CNTNAP2: variants seen among roughly 807,000 people sequenced by gnomAD.
CNTNAP2 encodes the protein contactin associated protein 2.
A neutral mutation model predicts 155.2 loss-of-function variants in CNTNAP2; 98 were observed. The ratio of observed to expected loss-of-function variants is 0.63; its 90% CI spans 0.54 to 0.75. The LOEUF (loss-of-function observed/expected upper bound fraction) is 0.75, where lower values mean the gene tolerates loss of function less well. CNTNAP2 is among the 30% of genes least tolerant of loss of function. The pLI is 0.00. For synonymous variants in CNTNAP2, 651 were observed against 631.2 expected (o/e 1.03, Z -0.47); for missense variants, 1,727 against 1,688.1 (o/e 1.02, Z -0.40).
At chr7:147,095,361 T>A (rs2129275021) in intron 4 of CNTNAP2, among the ~76,000 whole-genome samples, 1 of 152,074 alleles carries the variant, frequency 6.6e-6, no homozygotes, top group South Asian at 2.1e-4. Context: ...ATGAGAGAAC[T>A]AATTTCATTC....
At chr7:146,181,241 C>A (rs1376364235) in intron 1 of CNTNAP2, among the ~76,000 whole-genome samples, 1 of 151,966 alleles carries the variant, frequency 6.6e-6, no homozygotes, top group Non-Finnish European at 1.5e-5. Context: ...ATAAATGATG[C>A]CAAAATAAAT....
At chr7:146,970,786 C>G (rs1235014938) in intron 3 of CNTNAP2, among the ~76,000 whole-genome samples, 1 of 152,230 alleles carries the variant, frequency 6.6e-6, no homozygotes, top group African/African-American at 2.4e-5. Context: ...GCACTATTCA[C>G]AAAATCAAAG....
intron 1 of CNTNAP2, among the ~76,000 whole-genome samples, chr7:146,375,407 A>G (rs6973230): frequency 0.13 from 19,751 of 152,098 alleles, 3,293 homozygotes; most frequent in African/African-American, 0.38. Context: ...AAAACCACAC[A>G]CTGAGCTTCA....
intron 8 of CNTNAP2, among the ~76,000 whole-genome samples, chr7:147,262,494 G>C (rs1262975617): frequency 2.6e-5 from 4 of 152,112 alleles, no homozygotes; most frequent in South Asian, 2.1e-4. Context: ...CACACAGAGG[G>C]AGGGGTATGA....
intron 4 of CNTNAP2, among the ~76,000 whole-genome samples, chr7:147,067,395 G>A (rs1472998721): frequency 6.6e-6 from 1 of 152,022 alleles, no homozygotes. Context: ...TGTTTTATTG[G>A]GGGTCAGATT....
chr7:148,028,870 C>T (rs906585076), intron 15 of CNTNAP2, among the ~76,000 whole-genome samples: 1 of 152,108 alleles, frequency 6.6e-6, no homozygotes, highest in Non-Finnish European at 1.5e-5. Flanking sequence ...TGATGGCTCT[C>T]GGTTCCCCTA....
chr7:147,722,135 C>T (rs535376679), intron 13 of CNTNAP2, among the ~76,000 whole-genome samples: 26 of 152,320 alleles, frequency 1.7e-4, no homozygotes, highest in Admixed American at 3.3e-4. Flanking sequence ...AAACCATCAG[C>T]GTGCCCTTTC....
At chr7:147,871,882 G>A (rs10252313) in intron 13 of CNTNAP2, among the ~76,000 whole-genome samples, 5,990 of 152,238 alleles carry the variant, frequency 0.039, 248 homozygotes, top group East Asian at 0.16. Flanking sequence ...CAGTTCTGGT[G>A]TCTTTCCTTC....
chr7:146,517,807 A>G (rs956653063), intron 1 of CNTNAP2, among the ~76,000 whole-genome samples: 1 of 151,866 alleles, frequency 6.6e-6, no homozygotes, highest in African/African-American at 2.4e-5. Context: ...AGATGGAGAG[A>G]ACTGGCCTGA....
intron 14 of CNTNAP2, among the ~76,000 whole-genome samples, chr7:147,957,244 A>G (rs1801031547): frequency 6.6e-6 from 1 of 152,206 alleles, no homozygotes; most frequent in Non-Finnish European, 1.5e-5. Flanking sequence ...TTTTGCTGAC[A>G]AATACGATGG....
intron 18 of CNTNAP2, among the ~76,000 whole-genome samples, chr7:148,194,139 G>GTGTA (rs2116721533): frequency 6.8e-6 from 1 of 147,426 alleles, no homozygotes; most frequent in South Asian, 2.2e-4. Context: ...CCTGGCTAGT[G>GTGTA]TGTGTGTGTG....
At chr7:147,304,021 A>T (rs1794985895) in intron 9 of CNTNAP2, among the ~76,000 whole-genome samples, 1 of 152,108 alleles carries the variant, frequency 6.6e-6, no homozygotes, top group African/African-American at 2.4e-5. Flanking sequence ...ACCCTTAAAT[A>T]CGTCCACATT....
intron 21 of CNTNAP2, among the ~76,000 whole-genome samples, chr7:148,372,244 T>C (rs1798900740): frequency 6.6e-6 from 1 of 151,954 alleles, no homozygotes; most frequent in African/African-American, 2.4e-5. Flanking sequence ...GGTACCCCTA[T>C]ATAGGACACC....
intron 1 of CNTNAP2, among the ~76,000 whole-genome samples, chr7:146,250,781 G>A (rs17170007): frequency 0.03 from 4,615 of 152,202 alleles, 222 homozygotes; most frequent in African/African-American, 0.1. Flanking sequence ...CATATTTGAC[G>A]CCCTTAAATT....
chr7:146,321,960 A>T (rs552875884), intron 1 of CNTNAP2, among the ~76,000 whole-genome samples: 1 of 151,994 alleles, frequency 6.6e-6, no homozygotes, highest in African/African-American at 2.4e-5. Context: ...CAGTTTTTAG[A>T]TATATCATTT....
chr7:146,379,831 G>T (rs978267837), intron 1 of CNTNAP2, among the ~76,000 whole-genome samples: 1 of 152,080 alleles, frequency 6.6e-6, no homozygotes, highest in Non-Finnish European at 1.5e-5. Context: ...TTTCAAAAGT[G>T]CAATGAGGAG....
intron 2 of CNTNAP2, among the ~76,000 whole-genome samples, chr7:146,839,136 T>C (rs938987342): frequency 6.6e-6 from 1 of 152,162 alleles, no homozygotes; most frequent in African/African-American, 2.4e-5. Context: ...TGACTGTATA[T>C]CTTCTAAGTG....
At chr7:146,815,179 T>G (rs1056505232) in intron 2 of CNTNAP2, among the ~76,000 whole-genome samples, 1 of 152,124 alleles carries the variant, frequency 6.6e-6, no homozygotes, top group Non-Finnish European at 1.5e-5. Flanking sequence ...TGTTAGAAGA[T>G]AGTAGCAAAT....
intron 1 of CNTNAP2, among the ~76,000 whole-genome samples, chr7:146,420,070 G>C (rs992086871): frequency 6.6e-6 from 1 of 152,116 alleles, no homozygotes; most frequent in Non-Finnish European, 1.5e-5. Context: ...AAGAAACGGA[G>C]CTCTGTTGAA....
Sources: gnomAD v4.1 joint callset for allele counts (sites outside exome capture counted in the v4.1 genomes callset) on GRCh38, gnomAD v4.1.1 for gene constraint, MANE v1.5 for transcripts, NCBI Gene and HGNC (gene_info 2026-07-23, HGNC 2026-07-21) for gene names.